Variants in DAAM2 observed in about 807,000 individuals in gnomAD.
DAAM2 encodes disheveled-associated activator of morphogenesis 2.
In DAAM2, 39 loss-of-function variants were observed where a neutral mutation model predicts 120.7. That is an observed-to-expected ratio of 0.32 (90% CI 0.25 to 0.42). The LOEUF (loss-of-function observed/expected upper bound fraction) is 0.42, where lower values mean the gene tolerates loss of function less well. Ranked by LOEUF, DAAM2 falls within the 10% of genes least tolerant of loss-of-function variation. The pLI, the probability that DAAM2 is intolerant of heterozygous loss-of-function variation, is 1.00. For synonymous variants in DAAM2, 488 were observed against 524.9 expected (o/e 0.93, Z 0.96); for missense variants, 1,283 against 1,401.7 (o/e 0.92, Z 1.35).
At chr6:39,822,972 T>A (rs1161316089) in intron 1 of DAAM2, 1 of 152,186 alleles carries the variant, frequency 6.6e-6, no homozygotes, top group Non-Finnish European at 1.5e-5. Flanking sequence ...TGCTTGAGAA[T>A]GTGCTTTTCC....
rs185497199 is a variant in DAAM2 at position 39,806,906 on chromosome 6, C to A, written c.-57+14441C>A. ...ACTGGATGTGGAGCCAAAAATAACT[C>A]CTCTTCACTAAGGGTGGAATTAAAC... On this transcript the variant is annotated intron_variant, in intron 1 of 24. Transcript: ENST00000274867. Among the ~76,000 whole-genome samples the A allele has an allele frequency of 1.3e-4, 19 of 150,640 alleles. No individual in the cohort carries two copies. In the East Asian group the frequency reaches 3.1e-3, roughly 25 times the overall value.
chr6:39,893,273 T>C (rs1582758518), intron 19 of DAAM2, among the ~76,000 whole-genome samples: 1 of 152,122 alleles, frequency 6.6e-6, no homozygotes, highest in Non-Finnish European at 1.5e-5. Flanking sequence ...TCCCAGCACT[T>C]TGGGAGGCCA....
chr6:39,842,607 G>T (rs149282338), intron 1 of DAAM2, among the ~76,000 whole-genome samples: 7 of 152,084 alleles, frequency 4.6e-5, no homozygotes, highest in Non-Finnish European at 5.9e-5. Flanking sequence ...TACTCCAGCC[G>T]GGGCAACAGA....
At chr6:39,834,803 GAGGGC>G (rs986842929) in intron 1 of DAAM2, among the ~76,000 whole-genome samples, 5 of 152,182 alleles carry the variant, frequency 3.3e-5, no homozygotes, top group African/African-American at 1.2e-4. Context: ...TTCTGAGATG[GAGGGC>G]AGGGCAGGGA....
chr6:39,832,466 T>G (rs1012351243), intron 1 of DAAM2, among the ~76,000 whole-genome samples: 1 of 152,202 alleles, frequency 6.6e-6, no homozygotes. Flanking sequence ...TCATATTTAT[T>G]GAAGACTTAC....
intron 1 of DAAM2, among the ~76,000 whole-genome samples, chr6:39,808,056 G>A (rs1762059039): frequency 6.7e-6 from 1 of 149,338 alleles, no homozygotes; most frequent in Non-Finnish European, 1.5e-5. Context: ...ATGTGCACAT[G>A]GTAATCACTG....
At chr6:39,894,261 T>C (rs1024201656) in intron 19 of DAAM2, among the ~76,000 whole-genome samples, 1 of 152,242 alleles carries the variant, frequency 6.6e-6, no homozygotes, top group Non-Finnish European at 1.5e-5. Context: ...TTGCCAACAT[T>C]TTAGCATTTT....
At chr6:39,871,315 G>A (rs1241369497) in intron 8 of DAAM2, among the ~76,000 whole-genome samples, 191 bp from the exon 9 acceptor site, 1 of 152,158 alleles carries the variant, frequency 6.6e-6, no homozygotes, top group Non-Finnish European at 1.5e-5. Flanking sequence ...CCTGAAGGAA[G>A]GTCATGGGAT....
intron 21 of DAAM2, among the ~76,000 whole-genome samples, 180 bp from the exon 22 acceptor site, chr6:39,898,697 A>T (rs1766279801): frequency 1.3e-5 from 2 of 152,242 alleles, no homozygotes; most frequent in Non-Finnish European, 2.9e-5. Flanking sequence ...ATGCACAGAC[A>T]GAGGCATGAA....
intron 9 of DAAM2, 53 bp downstream of exon 9, chr6:39,871,625 GGCCC>G: frequency 6.7e-7 from 1 of 1,498,276 alleles, no homozygotes; most frequent in Non-Finnish European, 9.1e-7. Flanking sequence ...GGTTCTTGGT[GGCCC>G]CACAGCCACT....
At chr6:39,832,735 G>C (rs1337234278) in intron 1 of DAAM2, among the ~76,000 whole-genome samples, 1 of 152,106 alleles carries the variant, frequency 6.6e-6, no homozygotes, top group Non-Finnish European at 1.5e-5. Flanking sequence ...ACCAGGGAAG[G>C]GCCTGGGGGC....
chr6:39,878,756 T>G lies in DAAM2; in HGVS notation c.1545+168T>G, dbSNP rs574664977. 6.6e-6 allele frequency among the ~76,000 whole-genome samples: 1 copy of G among 152,242 alleles called. No homozygotes were observed. The highest frequency in any genetic ancestry group is 1.5e-5 in the Non-Finnish European group (1 of 68,008). On this transcript the variant is annotated intron_variant, in intron 13 of 24. Transcript: ENST00000274867. The surrounding 1 kb of genome is among the most constrained non-coding windows in gnomAD (Gnocchi z 5.0). ...CCCTTGAGGCTGTACAGGTGGCATC[T>G]TTGTGTTAGAAAAATAATGTCCCTT...
chr6:39,889,296 C>T (rs1456883386), intron 17 of DAAM2, among the ~76,000 whole-genome samples: 1 of 151,864 alleles, frequency 6.6e-6, no homozygotes, highest in Non-Finnish European at 1.5e-5. Flanking sequence ...AGAGGATTTC[C>T]AAATAGACAA....
intron 6 of DAAM2, 185 bp from the exon 7 acceptor site, chr6:39,868,638 G>T: frequency 1.7e-6 from 1 of 587,138 alleles, no homozygotes; most frequent in Non-Finnish European, 3.1e-6. Flanking sequence ...GAGGTGAGAG[G>T]CAAGGGAATT....
At chr6:39,843,708 T>C (rs1324852807) in intron 1 of DAAM2, among the ~76,000 whole-genome samples, 1 of 152,178 alleles carries the variant, frequency 6.6e-6, no homozygotes, top group Non-Finnish European at 1.5e-5. Context: ...ATCCTGAAGG[T>C]GGGACAGCCT....
chr6:39,816,749 C>G (rs999968875), intron 1 of DAAM2, among the ~76,000 whole-genome samples: 5 of 152,170 alleles, frequency 3.3e-5, no homozygotes, highest in Admixed American at 1.3e-4. Context: ...CAAGGAGAAT[C>G]ATCAACACTT....
At chr6:39,899,890 A>C (rs1354004286) in intron 22 of DAAM2, 187 bp from the exon 23 acceptor site, 9 of 580,700 alleles carry the variant, frequency 1.5e-5, no homozygotes, top group Non-Finnish European at 2.6e-5. Context: ...AGAAAGAAAG[A>C]TGGCAGGGTG....
At chr6:39,876,724 T>TGTGC (rs1554182623) in intron 11 of DAAM2, among the ~76,000 whole-genome samples, 10 of 111,170 alleles carry the variant, frequency 9.0e-5, no homozygotes, top group Admixed American at 1.8e-4. Flanking sequence ...TGTGTGTGTG[T>TGTGC]GTGTGCGTGT....
intron 1 of DAAM2, among the ~76,000 whole-genome samples, chr6:39,833,567 C>T (rs1475524993): frequency 6.6e-6 from 1 of 152,162 alleles, no homozygotes; most frequent in African/African-American, 2.4e-5. Context: ...TTCAGCCTCC[C>T]AAAGTGCTGA....
Sources: allele counts gnomAD v4.1 joint callset (sites outside exome capture counted in the v4.1 genomes callset), GRCh38; gene constraint gnomAD v4.1.1; non-coding constraint Gnocchi (gnomAD v3.1); transcripts MANE v1.5; gene names NCBI Gene and HGNC (gene_info 2026-07-23, HGNC 2026-07-21).